Variants in RPS6KC1 observed in about 807,000 individuals in gnomAD.
The protein encoded by RPS6KC1 is ribosomal protein S6 kinase C1.
Under a neutral mutation model 103.8 loss-of-function variants are expected in RPS6KC1, and 54 were observed. That is an observed-to-expected ratio of 0.52 (90% CI 0.42 to 0.65). RPS6KC1 has a LOEUF of 0.65. Ranked by LOEUF, RPS6KC1 falls within the 30% of genes least tolerant of loss-of-function variation. The probability of loss-of-function intolerance (pLI) is 0.00; values close to 1 mark genes in which losing one functional copy is unlikely to be tolerated. For missense variants in RPS6KC1, 1,151 were observed against 1,253.8 expected, an observed-to-expected ratio of 0.92 and a Z score of 1.24; for synonymous variants, 439 against 438.7, an observed-to-expected ratio of 1.00 and a Z score of -0.01.
the RPS6KC1 span, among the ~76,000 whole-genome samples, chr1:213,696,361 G>C: frequency 1.3e-5 from 2 of 152,056 alleles, no homozygotes; most frequent in Non-Finnish European, 2.9e-5. Flanking sequence ...AATTAGCCAG[G>C]CATGGTGGCA....
At chr1:213,262,680 T>C in intron 13 of RPS6KC1, 41 bp from the exon 14 acceptor site, 2 of 1,221,404 alleles carry the variant, frequency 1.6e-6, no homozygotes, top group South Asian at 1.2e-5. Flanking sequence ...CAAAATATGA[T>C]GTTATTTGGG....
the RPS6KC1 span, among the ~76,000 whole-genome samples, chr1:213,791,284 G>A: frequency 6.6e-6 from 1 of 152,080 alleles, no homozygotes; most frequent in Non-Finnish European, 1.5e-5. Flanking sequence ...TTTTTTAAAG[G>A]GAAGTTAGGG....
At chr1:213,730,905 G>A in the RPS6KC1 span, among the ~76,000 whole-genome samples, 2 of 152,160 alleles carry the variant, frequency 1.3e-5, no homozygotes, top group African/African-American at 4.8e-5. Context: ...GTAGTTCTAG[G>A]TTTTACATTT....
chr1:213,100,009 G>A (rs761248369), intron 3 of RPS6KC1, among the ~76,000 whole-genome samples: 1 of 152,278 alleles, frequency 6.6e-6, no homozygotes, highest in Non-Finnish European at 1.5e-5. Flanking sequence ...TCATAAGATA[G>A]GTGTATGTTT....
chr1:213,639,814 G>GT, the RPS6KC1 span, among the ~76,000 whole-genome samples: 4 of 149,728 alleles, frequency 2.7e-5, no homozygotes, highest in Admixed American at 1.3e-4. Context: ...ATTTTGTTGA[G>GT]TGTTTTTTCA....
the RPS6KC1 span, among the ~76,000 whole-genome samples, chr1:213,543,118 T>C: frequency 6.6e-6 from 1 of 152,216 alleles, no homozygotes; most frequent in Non-Finnish European, 1.5e-5. Flanking sequence ...CACATGGGTA[T>C]AGCCACGGGA....
At chr1:213,817,506 G>A in the RPS6KC1 span, among the ~76,000 whole-genome samples, 2 of 152,220 alleles carry the variant, frequency 1.3e-5, no homozygotes, top group African/African-American at 2.4e-5. Context: ...AGGCCACACT[G>A]TGGAGGGCCA....
chr1:213,771,792 C>A, the RPS6KC1 span, among the ~76,000 whole-genome samples: 2 of 152,052 alleles, frequency 1.3e-5, no homozygotes, highest in South Asian at 2.1e-4. Flanking sequence ...TTCACCAAAG[C>A]AATTAATATG....
chr1:213,052,975 A>AGACCT (rs895372743), intron 1 of RPS6KC1, among the ~76,000 whole-genome samples: 1 of 152,220 alleles, frequency 6.6e-6, no homozygotes, highest in African/African-American at 2.4e-5. Flanking sequence ...GATAATGAGA[A>AGACCT]GACCTGACCT....
At chr1:213,177,654 A>T (rs529916295) in intron 8 of RPS6KC1, among the ~76,000 whole-genome samples, 3 of 152,200 alleles carry the variant, frequency 2.0e-5, no homozygotes, top group Non-Finnish European at 4.4e-5. Flanking sequence ...AAATATTTTC[A>T]TAACCGTGTT....
intron 1 of RPS6KC1, among the ~76,000 whole-genome samples, chr1:213,057,256 A>G (rs1201006916): frequency 6.6e-6 from 1 of 151,994 alleles, no homozygotes; most frequent in East Asian, 1.9e-4. Flanking sequence ...TGTCTTTTTA[A>G]CTGTATATTC....
At chr1:213,314,906 C>A in the RPS6KC1 span, among the ~76,000 whole-genome samples, 1 of 152,050 alleles carries the variant, frequency 6.6e-6, no homozygotes, top group East Asian at 1.9e-4. Context: ...GCGAGTCCCC[C>A]ACGTGCAGCC....
chr1:213,137,149 C>T (rs1168067606), intron 6 of RPS6KC1, among the ~76,000 whole-genome samples: 3 of 152,004 alleles, frequency 2.0e-5, no homozygotes, highest in Non-Finnish European at 2.9e-5. Context: ...TCTGTAGGAT[C>T]CTGACCTTTC....
At chr1:213,775,293 G>T in the RPS6KC1 span, among the ~76,000 whole-genome samples, 1 of 152,044 alleles carries the variant, frequency 6.6e-6, no homozygotes, top group African/African-American at 2.4e-5. Context: ...ATAATAGGTG[G>T]TCTAATGTTA....
the RPS6KC1 span, among the ~76,000 whole-genome samples, chr1:213,480,730 C>A: frequency 6.6e-6 from 1 of 152,088 alleles, no homozygotes; most frequent in African/African-American, 2.4e-5. Flanking sequence ...AGTCTCCATT[C>A]TATCTCCTAC....
chr1:213,746,957 G>A, the RPS6KC1 span, among the ~76,000 whole-genome samples: 1 of 152,176 alleles, frequency 6.6e-6, no homozygotes, highest in East Asian at 1.9e-4. Context: ...GAGATGTTGA[G>A]TGTGCAACTG....
chr1:213,433,888 A>T, the RPS6KC1 span, among the ~76,000 whole-genome samples: 1 of 152,218 alleles, frequency 6.6e-6, no homozygotes, highest in Non-Finnish European at 1.5e-5. Flanking sequence ...ATTTTCTCCC[A>T]GTCTGTGGCT....
intron 8 of RPS6KC1, among the ~76,000 whole-genome samples, chr1:213,221,941 A>G (rs2093843262): frequency 6.6e-6 from 1 of 152,188 alleles, no homozygotes; most frequent in African/African-American, 2.4e-5. Flanking sequence ...GTTTTCTTCT[A>G]CCTTTGAAGG....
chr1:213,468,029 A>G, the RPS6KC1 span, among the ~76,000 whole-genome samples: 7 of 152,248 alleles, frequency 4.6e-5, no homozygotes, highest in African/African-American at 1.7e-4. Flanking sequence ...CTAAAACTAG[A>G]TTACCTTGTT....
Sources: allele counts gnomAD v4.1 joint callset (sites outside exome capture counted in the v4.1 genomes callset), GRCh38; gene constraint gnomAD v4.1.1; transcripts MANE v1.5; gene names NCBI Gene and HGNC (gene_info 2026-07-23, HGNC 2026-07-21).